The following SLC16A4 variants were observed in gnomAD, a reference collection of about 807,000 sequenced individuals.
SLC16A4 encodes solute carrier family 16 member 4.
Under a neutral mutation model 47.9 loss-of-function variants are expected in SLC16A4, and 39 were observed. The observed-to-expected ratio is 0.81, with a 90% CI of 0.63 to 1.06. SLC16A4 has a LOEUF of 1.06. Among genes scored for constraint, SLC16A4 ranks in the 50% least tolerant of loss-of-function variants. The pLI is 0.00. For synonymous variants in SLC16A4, 189 were observed against 199.9 expected (o/e 0.95, Z 0.46); for missense variants, 524 against 573.8 (o/e 0.91, Z 0.89).
At chr1:110,368,053 C>T (rs1661490273) in intron 8 of SLC16A4, among the ~76,000 whole-genome samples, 1 of 152,224 alleles carries the variant, frequency 6.6e-6, no homozygotes, top group Non-Finnish European at 1.5e-5. Flanking sequence ...TGGTCTCGAT[C>T]TCCTGACCTC....
At chr1:110,366,319 G>GGCTCATTT (rs1334059330) in intron 8 of SLC16A4, among the ~76,000 whole-genome samples, 1 of 151,810 alleles carries the variant, frequency 6.6e-6, no homozygotes, top group Non-Finnish European at 1.5e-5. Flanking sequence ...CACCACACCC[G>GGCTCATTT]GCTCATTTTT....
chr1:110,367,696 A>G (rs979145172), intron 8 of SLC16A4, among the ~76,000 whole-genome samples: 2 of 152,096 alleles, frequency 1.3e-5, no homozygotes, highest in Non-Finnish European at 2.9e-5. Flanking sequence ...AGCCTGTCTC[A>G]AAAATTTAAA....
At chr1:110,389,846 T>G (rs1347389640) in intron 1 of SLC16A4, among the ~76,000 whole-genome samples, 1 of 152,042 alleles carries the variant, frequency 6.6e-6, no homozygotes, top group Non-Finnish European at 1.5e-5. Context: ...GAGCTAAAAA[T>G]TGGGTACATA....
intron 6 of SLC16A4, among the ~76,000 whole-genome samples, chr1:110,377,478 T>C (rs1465267741): frequency 6.6e-6 from 1 of 152,212 alleles, no homozygotes; most frequent in Non-Finnish European, 1.5e-5. Flanking sequence ...CAGAAGGCCA[T>C]GCAGTCTCTT....
At chr1:110,383,101 A>G (rs1219624843) in intron 2 of SLC16A4, 135 bp from the exon 3 acceptor site, 1 of 664,882 alleles carries the variant, frequency 1.5e-6, no homozygotes, top group African/African-American at 1.8e-5. Flanking sequence ...GCCTCATTAT[A>G]CATCTTATAT....
Position 110,381,063 on chromosome 1 carries a change from C to CT in SLC16A4, c.444dup (p.Ala149SerfsTer25). 1 of 1,614,106 alleles carries CT rather than the reference C, an allele frequency of 6.2e-7. No homozygotes were observed. The highest frequency in any genetic ancestry group is 8.5e-7 in the Non-Finnish European group (1 of 1,179,982). ...AGTCCCATCCCAGAACGGGCAATAG[C>CT]TGTAGAAAGAGCCAATCGTTTTTTG... On this transcript the variant is annotated frameshift_variant, in exon 5 of 9. Coordinates refer to ENST00000369779, the MANE Select transcript of SLC16A4 (RefSeq NM_004696.3). LOFTEE classifies it high-confidence loss of function.
chr1:110,363,798 A>G lies in SLC16A4; in HGVS notation c.1432T>C (p.Leu478=), dbSNP rs766436896. Residue 478 remains leucine (L), a synonymous_variant, in exon 9 of 9, where the codon TTG becomes CTG. Coordinates refer to ENST00000369779, the MANE Select transcript of SLC16A4 (RefSeq NM_004696.3). ...LSSVSFFFVP[L]AERWKNSLT ...AGACTGTTTTTCCATCTTTCGGCCA[A>G]TGGTACAAAAAAAAAGGAAACTGAA... 44 of 1,611,050 alleles carry G rather than the reference A, an allele frequency of 2.7e-5. No individual in the cohort carries two copies. The highest frequency in any genetic ancestry group is 3.6e-5 in the Non-Finnish European group (42 of 1,179,036).
intron 8 of SLC16A4, among the ~76,000 whole-genome samples, chr1:110,368,961 T>C (rs1178463074): frequency 6.6e-6 from 1 of 151,646 alleles, no homozygotes; most frequent in Non-Finnish European, 1.5e-5. Context: ...TGAATCTTTT[T>C]TTTTTTTTTT....
intron 8 of SLC16A4, chr1:110,372,166 T>C (rs1557903541): frequency 6.6e-6 from 1 of 152,238 alleles, no homozygotes; most frequent in Non-Finnish European, 1.5e-5. Flanking sequence ...GTTCATGTAA[T>C]GTGTTACCTT....
intron 8 of SLC16A4, chr1:110,371,291 G>A (rs1427955487): frequency 1.3e-5 from 2 of 152,052 alleles, no homozygotes; most frequent in Non-Finnish European, 1.5e-5. Context: ...TGGGAAAGAG[G>A]GGAATATGGA....
Position 110,382,817 on chromosome 1 carries a change from T to G in SLC16A4, c.220+17A>C. 3 of 1,560,790 alleles carry G rather than the reference T, an allele frequency of 1.9e-6. No individual in the cohort carries two copies. The highest frequency in any genetic ancestry group is 2.6e-6 in the Non-Finnish European group (3 of 1,147,518). On this transcript the variant is annotated intron_variant, in intron 3 of 8. Transcript: ENST00000369779. ...GGTTCTTCTCCTTAGACAGCAAGCT[T>G]ATTGCCAGCTTTATACCTGCACAAA... is the stretch of plus-strand genomic sequence containing the variant.
At chr1:110,390,021 G>C (rs1444115341) in intron 1 of SLC16A4, among the ~76,000 whole-genome samples, 1 of 151,990 alleles carries the variant, frequency 6.6e-6, no homozygotes, top group Admixed American at 6.6e-5. Context: ...ACCTACACAT[G>C]TACCCCCTGA....
chr1:110,385,451 T>C (rs761287062), intron 2 of SLC16A4, among the ~76,000 whole-genome samples: 13 of 152,360 alleles, frequency 8.5e-5, no homozygotes, highest in Middle Eastern at 3.4e-3. Flanking sequence ...AGCTTCAGAC[T>C]CCTAATTGTC....
chr1:110,378,747 A>G, intron 6 of SLC16A4, 106 bp downstream of exon 6: 1 of 1,430,654 alleles, frequency 7.0e-7, no homozygotes, highest in Non-Finnish European at 9.4e-7. Context: ...TGGCCCTTCT[A>G]CAATTCCTCT....
At chr1:110,378,327 A>T (rs1662130348) in intron 6 of SLC16A4, among the ~76,000 whole-genome samples, 1 of 152,158 alleles carries the variant, frequency 6.6e-6, no homozygotes, top group Admixed American at 6.5e-5. Flanking sequence ...TGCTTTTTTG[A>T]TCCTGACAAT....
intron 8 of SLC16A4, among the ~76,000 whole-genome samples, chr1:110,368,788 G>C (rs909093102): frequency 6.6e-6 from 1 of 151,950 alleles, no homozygotes; most frequent in African/African-American, 2.4e-5. Context: ...ATTTAATATA[G>C]GATTCTGAAC....
At chr1:110,386,009 TGTAAA>T (rs1662714681) in intron 2 of SLC16A4, among the ~76,000 whole-genome samples, 1 of 152,366 alleles carries the variant, frequency 6.6e-6, no homozygotes, top group South Asian at 2.1e-4. Context: ...TGCATCATTC[TGTAAA>T]GTAAACTTCC....
chr1:110,382,619 C>T (rs752012175), intron 3 of SLC16A4, among the ~76,000 whole-genome samples: 3 of 152,152 alleles, frequency 2.0e-5, no homozygotes, highest in Non-Finnish European at 4.4e-5. Context: ...TTTAATAATT[C>T]CTCAGCTTTC....
intron 2 of SLC16A4, among the ~76,000 whole-genome samples, chr1:110,388,516 A>G (rs954969070): frequency 9.2e-5 from 14 of 152,286 alleles, no homozygotes; most frequent in Admixed American, 6.5e-4. Flanking sequence ...ACAGTGTTCT[A>G]TCTATGCTGG....
Sources: gnomAD v4.1 joint callset for allele counts (sites outside exome capture counted in the v4.1 genomes callset) on GRCh38, gnomAD v4.1.1 for gene constraint, MANE v1.5 for transcripts, NCBI Gene and HGNC (gene_info 2026-07-23, HGNC 2026-07-21) for gene names.